Variants in PCDH7 observed in about 807,000 individuals in gnomAD.
The protein encoded by PCDH7 is protocadherin-7.
PCDH7 carries 17 observed loss-of-function variants against 58.9 expected under a neutral mutation model. That is an observed-to-expected ratio of 0.29 (90% CI 0.20 to 0.43). The LOEUF is 0.43. Ranked by LOEUF, PCDH7 falls within the 20% of genes least tolerant of loss-of-function variation. PCDH7 has a pLI of 1.00. For missense variants in PCDH7, 1,274 were observed against 1,441.0 expected (o/e 0.88, Z 1.88); for synonymous variants, 664 against 616.4 (o/e 1.08, Z -1.14).
chr4:30,983,440 A>G (rs1750729532), intron 3 of PCDH7, among the ~76,000 whole-genome samples: 1 of 152,248 alleles, frequency 6.6e-6, no homozygotes, highest in Non-Finnish European at 1.5e-5. Flanking sequence ...ACGGGTCAGC[A>G]TTTAACTTTC....
intron 3 of PCDH7, among the ~76,000 whole-genome samples, chr4:31,040,332 A>G (rs1056574864): frequency 1.3e-5 from 2 of 152,090 alleles, no homozygotes; most frequent in Non-Finnish European, 2.9e-5. Context: ...TAGTGTTGAC[A>G]TTTCTTGAAC....
chr4:31,080,011 A>G (rs73812516), intron 3 of PCDH7, among the ~76,000 whole-genome samples: 13,652 of 152,254 alleles, frequency 0.09, 711 homozygotes, highest in South Asian at 0.18. Flanking sequence ...TTCTACTTAC[A>G]TAATTAACCT....
At chr4:31,099,830 G>A (rs938210817) in intron 3 of PCDH7, among the ~76,000 whole-genome samples, 1 of 151,994 alleles carries the variant, frequency 6.6e-6, no homozygotes, top group African/African-American at 2.4e-5. Flanking sequence ...GATTTGACGC[G>A]TGTCTTCATT....
intron 3 of PCDH7, among the ~76,000 whole-genome samples, chr4:30,980,040 C>T (rs1750414493): frequency 6.6e-6 from 1 of 152,094 alleles, no homozygotes; most frequent in African/African-American, 2.4e-5. Flanking sequence ...AGGTGCTTTC[C>T]CTTTGTTATA....
At chr4:30,775,959 A>C (rs567761806) in intron 1 of PCDH7, among the ~76,000 whole-genome samples, 59 of 152,272 alleles carry the variant, frequency 3.9e-4, no homozygotes, top group Non-Finnish European at 6.8e-4. Context: ...TACAAGTGTA[A>C]CGCTTGGCGA....
chr4:31,057,985 T>C (rs1757389946), intron 3 of PCDH7, among the ~76,000 whole-genome samples: 1 of 152,084 alleles, frequency 6.6e-6, no homozygotes, highest in Non-Finnish European at 1.5e-5. Flanking sequence ...CAGGAGAGTC[T>C]TAGGATTTAA....
chr4:30,941,509 T>A (rs1353301122), intron 2 of PCDH7, among the ~76,000 whole-genome samples: 1 of 151,960 alleles, frequency 6.6e-6, no homozygotes, highest in African/African-American at 2.4e-5. Flanking sequence ...ACAACTGTTG[T>A]TTGACTTGGC....
rs191067617 is a variant in PCDH7, at chr4:30,789,963, A to G, written c.70+65367A>G. Among the ~76,000 whole-genome samples, 4 of 152,314 alleles carry G rather than the reference A, an allele frequency of 2.6e-5. No homozygotes were observed. The East Asian group carries it at 7.7e-4, about 29-fold the overall frequency. On this transcript the variant is annotated intron_variant, in intron 1 of 3. Coordinates refer to the PCDH7 transcript ENST00000509759. ...AAGGAAAATGGCTATCTACAGCAGAAGAACAGCTGTGAATGAGAATCACCA... is the reference window on the plus strand; with the variant it reads ...AAGGAAAATGGCTATCTACAGCAGAGGAACAGCTGTGAATGAGAATCACCA...
chr4:30,943,256 C>A (rs2109438684), intron 2 of PCDH7, among the ~76,000 whole-genome samples: 1 of 152,184 alleles, frequency 6.6e-6, no homozygotes, highest in East Asian at 1.9e-4. Context: ...CCTAAGCTCT[C>A]AGCATGATAA....
chr4:31,056,474 AAAG>A, intron 3 of PCDH7, among the ~76,000 whole-genome samples: 1 of 138,948 alleles, frequency 7.2e-6, no homozygotes, highest in Non-Finnish European at 1.6e-5. Context: ...AGAAAGAAAG[AAAG>A]AAAGAAAGAA....
Position 30,721,803 on chromosome 4 carries a change from T to C in PCDH7, c.381T>C (p.Phe127=), listed in dbSNP as rs1713609066. 6.2e-7 allele frequency: 1 copy of C among 1,612,854 alleles called. No individual in the cohort carries two copies. Among genetic ancestry groups the C allele is most frequent in the African/African-American group, 1.3e-5 (1 of 75,002 alleles). The change falls in exon 1 of 2, where the codon TTT becomes TTC. Residue 127 remains phenylalanine, a synonymous_variant. Transcript: ENST00000361762. This position sits in a 1 kb window ranked among gnomAD's most constrained non-coding sequence, Gnocchi z 6.7. Reference sequence around the variant, plus strand: ...CCTCGCAGAGCTGGGTGGACCTGTTTGAGGGTCAGGTCATCGTGCTTGACA... The same window carrying C: ...CCTCGCAGAGCTGGGTGGACCTGTTCGAGGGTCAGGTCATCGTGCTTGACA...
chr4:30,968,380 A>ATAGTGTGTG (rs1560541585), intron 3 of PCDH7, among the ~76,000 whole-genome samples: 1 of 45,690 alleles, frequency 2.2e-5, no homozygotes, highest in African/African-American at 1.7e-4. Context: ...CACACACTAT[A>ATAGTGTGTG]TATATATATA....
intron 3 of PCDH7, among the ~76,000 whole-genome samples, chr4:30,955,629 A>G (rs1023522659): frequency 1.3e-5 from 2 of 151,500 alleles, no homozygotes; most frequent in African/African-American, 4.8e-5. Context: ...GCTCACTGCA[A>G]CCTCCGCCTC....
In PCDH7 at chr4:31,111,350, C is replaced by T. The variant is rs996986356; in HGVS notation, c.*8-31123C>T. ...TGAGGCGGAGTCTCGCTCTGTCGCTCGGGCTAGAGTGCAATGGTGCCACCT... is the reference window on the plus strand; with the variant it reads ...TGAGGCGGAGTCTCGCTCTGTCGCTTGGGCTAGAGTGCAATGGTGCCACCT... On this transcript the variant is annotated intron_variant, in intron 3 of 3. Transcript: ENST00000509759. 5.4e-5 allele frequency among the ~76,000 whole-genome samples: 8 copies of T among 148,510 alleles called. 1 individual carries two copies. Among genetic ancestry groups the T allele is most frequent in the Admixed American group, 4.1e-4 (6 of 14,802 alleles).
At chr4:30,844,571 G>A (rs1202373086) in intron 1 of PCDH7, among the ~76,000 whole-genome samples, 1 of 152,072 alleles carries the variant, frequency 6.6e-6, no homozygotes, top group East Asian at 1.9e-4. Flanking sequence ...TAGGTACAGA[G>A]TTAAGGTGGT....
intron 3 of PCDH7, among the ~76,000 whole-genome samples, chr4:30,967,314 A>G (rs993666707): frequency 2.6e-5 from 4 of 152,168 alleles, no homozygotes; most frequent in Non-Finnish European, 5.9e-5. Flanking sequence ...ATTATAAAAG[A>G]GCCTAATAGC....
chr4:31,093,430 C>CT (rs1311363539), intron 3 of PCDH7, among the ~76,000 whole-genome samples: 60 of 152,130 alleles, frequency 3.9e-4, no homozygotes, highest in African/African-American at 1.4e-3. Context: ...CTTCTTTCTA[C>CT]TTTTTTGTGT....
chr4:30,835,876 C>T (rs1560419760), intron 1 of PCDH7, among the ~76,000 whole-genome samples: 2 of 152,166 alleles, frequency 1.3e-5, no homozygotes, highest in South Asian at 2.1e-4. Flanking sequence ...TTTTCTTGCA[C>T]TAAGTATTGT....
Position 30,723,030 on chromosome 4 carries a change from C to T in PCDH7, c.1608C>T (p.Gly536=). The T allele has an allele frequency of 6.2e-7, 1 of 1,613,914 alleles. No individual in the cohort carries two copies. Among genetic ancestry groups the T allele is most frequent in the Non-Finnish European group, 8.5e-7 (1 of 1,180,040 alleles). Residue 536 remains glycine, a synonymous_variant, in exon 1 of 2, where the codon GGC becomes GGT. Transcript: ENST00000361762. This position sits in a 1 kb window ranked among gnomAD's most constrained non-coding sequence, Gnocchi z 4.6. ...CCAACGACAACCCGCCCATGTTCGG[C>T]CAGTCGGTGGTGGAGGTTTACTTCC...
Sources: allele counts gnomAD v4.1 joint callset (sites outside exome capture counted in the v4.1 genomes callset), GRCh38; gene constraint gnomAD v4.1.1; non-coding constraint Gnocchi (gnomAD v3.1); transcripts MANE v1.5; gene names NCBI Gene and HGNC (gene_info 2026-07-23, HGNC 2026-07-21).